TRAPPC3L: variants seen among roughly 807,000 people sequenced by gnomAD.
TRAPPC3L encodes trafficking protein particle complex subunit 3L, also known as trafficking protein particle complex subunit 3-like protein.
A neutral mutation model predicts 23.7 loss-of-function variants in TRAPPC3L; 23 were observed. The observed-to-expected ratio is 0.97, with a 90% CI of 0.70 to 1.37. The LOEUF is 1.37. Ranked by LOEUF, TRAPPC3L falls within the 40% of genes most tolerant of loss-of-function variation. The probability of loss-of-function intolerance (pLI) is 0.00; values close to 1 mark genes in which losing one functional copy is unlikely to be tolerated. For missense variants in TRAPPC3L, 212 were observed against 216.8 expected (o/e 0.98, Z 0.14); for synonymous variants, 81 against 77.9 (o/e 1.04, Z -0.21).
At chr6:116,499,431 C>T (rs1369547086) in intron 4 of TRAPPC3L, among the ~76,000 whole-genome samples, 1 of 152,182 alleles carries the variant, frequency 6.6e-6, no homozygotes, top group Non-Finnish European at 1.5e-5. Context: ...ACACAAATTT[C>T]AAAATATTAT....
chr6:116,504,867 T>C (rs550695841), intron 3 of TRAPPC3L, among the ~76,000 whole-genome samples: 4 of 152,308 alleles, frequency 2.6e-5, no homozygotes, highest in African/African-American at 9.6e-5. Context: ...GGAATGTATC[T>C]CAAAATAATA....
intron 3 of TRAPPC3L, chr6:116,516,663 ATATAT>A: frequency 5.2e-4 from 1 of 1,918 alleles, no homozygotes; most frequent in South Asian, 0.016. Context: ...AGTAACAAAT[ATATAT>A]ATATATATAT....
intron 3 of TRAPPC3L, among the ~76,000 whole-genome samples, chr6:116,536,132 T>C (rs762021449): frequency 1.1e-4 from 17 of 152,244 alleles, no homozygotes; most frequent in Non-Finnish European, 1.9e-4. Context: ...AGTTGTACTT[T>C]GAAGTAACTA....
At chr6:116,527,519 CAAAAAAAAAA>C (rs34686241) in intron 3 of TRAPPC3L, among the ~76,000 whole-genome samples, 13 of 112,380 alleles carry the variant, frequency 1.2e-4, no homozygotes, top group African/African-American at 3.7e-4. Context: ...CGTCTCAAAA[CAAAAAAAAAA>C]AAAAAAAAAA....
intron 1 of TRAPPC3L, 41 bp from the exon 2 acceptor site, chr6:116,543,441 G>GACAGTATACTGTCATA: frequency 1.4e-6 from 2 of 1,430,440 alleles, no homozygotes; most frequent in Non-Finnish European, 1.9e-6. Context: ...GGCAAGTTAT[G>GACAGTATACTGTCATA]ACAGTATACT....
At chr6:116,503,031 C>T (rs1277893533) in intron 3 of TRAPPC3L, among the ~76,000 whole-genome samples, 2 of 152,102 alleles carry the variant, frequency 1.3e-5, no homozygotes, top group African/African-American at 4.8e-5. Flanking sequence ...ACAATATTAA[C>T]CTTAAATATA....
rs374899771 is a variant in TRAPPC3L at position 116,511,106 on chromosome 6, G to A, written c.241-10440C>T. On this transcript the variant is annotated intron_variant, in intron 3 of 4. Coordinates refer to ENST00000368602, the MANE Select transcript of TRAPPC3L (RefSeq NM_001139444.3). ...GTGCACTAAAATCTCATATATATATGTATATATATATATATGTATATTTAT... is the reference window on the plus strand; with the variant it reads ...GTGCACTAAAATCTCATATATATATATATATATATATATATGTATATTTAT... Among the ~76,000 whole-genome samples the A allele has an allele frequency of 2.1e-5, 3 of 140,842 alleles. No individual in the cohort carries two copies. The Admixed American group carries it at 2.2e-4, about 10-fold the overall frequency. 92.4% of individuals were successfully genotyped at this position (140,842 alleles called of 152,430 possible).
At chr6:116,545,066 T>C (rs1773691735) in intron 1 of TRAPPC3L, among the ~76,000 whole-genome samples, 1 of 151,604 alleles carries the variant, frequency 6.6e-6, no homozygotes, top group Admixed American at 6.6e-5. Flanking sequence ...ATGACCTATT[T>C]CGATTCAGTT....
chr6:116,544,734 G>A (rs560118473), intron 1 of TRAPPC3L, among the ~76,000 whole-genome samples: 185 of 152,136 alleles, frequency 1.2e-3, no homozygotes, highest in Non-Finnish European at 2.1e-3. Flanking sequence ...GCCAGAGGAG[G>A]TATCTGCAGG....
chr6:116,499,773 C>G (rs1039329199), intron 4 of TRAPPC3L, among the ~76,000 whole-genome samples: 2 of 152,220 alleles, frequency 1.3e-5, no homozygotes, highest in Admixed American at 6.5e-5. Context: ...CTTAGGAAGT[C>G]TACAAGTTTT....
chr6:116,513,975 T>C (rs1306654865), intron 3 of TRAPPC3L, among the ~76,000 whole-genome samples: 1 of 152,186 alleles, frequency 6.6e-6, no homozygotes, highest in Non-Finnish European at 1.5e-5. Flanking sequence ...TCACTTACTT[T>C]GGAGAGTTGT....
chr6:116,541,147 T>C (rs995743469), intron 2 of TRAPPC3L, among the ~76,000 whole-genome samples: 11 of 151,910 alleles, frequency 7.2e-5, no homozygotes, highest in African/African-American at 2.7e-4. Flanking sequence ...AAACCTTCGA[T>C]TGAGATGTGA....
chr6:116,541,849 A>G (rs1260313718), intron 2 of TRAPPC3L, among the ~76,000 whole-genome samples: 2 of 152,204 alleles, frequency 1.3e-5, no homozygotes, highest in Admixed American at 6.5e-5. Flanking sequence ...GTCAAAGGGT[A>G]TGTTTCTGCA....
chr6:116,542,140 T>C (rs1198288417), intron 2 of TRAPPC3L, among the ~76,000 whole-genome samples: 3 of 152,188 alleles, frequency 2.0e-5, no homozygotes, highest in Non-Finnish European at 2.9e-5. Context: ...GGAAATGCTA[T>C]GTCAGATGTT....
intron 4 of TRAPPC3L, among the ~76,000 whole-genome samples, chr6:116,499,983 T>C (rs7775839): frequency 0.4 from 60,523 of 152,068 alleles, 13,172 homozygotes; most frequent in East Asian, 0.55. Flanking sequence ...TCCACAATGG[T>C]CAATGATCCC....
intron 3 of TRAPPC3L, chr6:116,524,815 T>C (rs922438583): frequency 1.3e-5 from 2 of 152,192 alleles, no homozygotes; most frequent in African/African-American, 4.8e-5. Flanking sequence ...TGCTATATCA[T>C]TTTCAAGAAA....
chr6:116,526,866 T>G (rs1772446221), intron 3 of TRAPPC3L, among the ~76,000 whole-genome samples: 1 of 152,228 alleles, frequency 6.6e-6, no homozygotes, highest in South Asian at 2.1e-4. Flanking sequence ...TAGGTTTGTT[T>G]TAAAGGACTT....
chr6:116,511,915 G>T, intron 3 of TRAPPC3L: 2 of 1,614,010 alleles, frequency 1.2e-6, no homozygotes, highest in Non-Finnish European at 1.7e-6. Flanking sequence ...ACAATAGGTC[G>T]TGGAGACTCT....
chr6:116,543,284 A>G lies in TRAPPC3L; in HGVS notation c.140+19T>C. 7 of 1,529,688 alleles carry G rather than the reference A, an allele frequency of 4.6e-6. No individual in the cohort carries two copies. The highest frequency in any genetic ancestry group is 1.4e-5 in the African/African-American group (1 of 72,322). 94.8% of individuals were successfully genotyped at this position (1,529,688 alleles called of 1,614,324 possible). A position where few individuals can be genotyped will look rare whatever the true frequency, so the allele number is the denominator to read the frequency against. On this transcript the variant is annotated intron_variant, in intron 2 of 4. Transcript: ENST00000368602. The stretch of plus-strand genomic sequence containing the variant: ...AAGAAACAACAGCCATTCAATAAGA[A>G]TGAAGGACTTCCACTTACATTTTAT...
Sources: allele counts gnomAD v4.1 joint callset (sites outside exome capture counted in the v4.1 genomes callset), GRCh38; gene constraint gnomAD v4.1.1; transcripts MANE v1.5; gene names NCBI Gene and HGNC (gene_info 2026-07-23, HGNC 2026-07-21).